The following ZNF385D variants were observed in gnomAD, a reference collection of about 807,000 sequenced individuals.
ZNF385D encodes the protein zinc finger protein 385D, also known as zinc finger protein 659.
A neutral mutation model predicts 35.8 loss-of-function variants in ZNF385D; 15 were observed. The ratio of observed to expected loss-of-function variants is 0.42; its 90% CI spans 0.28 to 0.64. The LOEUF is 0.64. ZNF385D is among the 30% of genes least tolerant of loss of function. ZNF385D has a pLI of 0.23. For missense variants in ZNF385D, 474 were observed against 494.6 expected (o/e 0.96, Z 0.39); for synonymous variants, 212 against 186.8 (o/e 1.13, Z -1.10).
chr3:22,038,864 G>C (rs997681802), intron 3 of ZNF385D, among the ~76,000 whole-genome samples: 1 of 150,008 alleles, frequency 6.7e-6, no homozygotes, highest in Non-Finnish European at 1.5e-5. Flanking sequence ...TCATAACAAA[G>C]ATATAATAAG....
chr3:21,919,702 C>T (rs1175559168), intron 3 of ZNF385D, among the ~76,000 whole-genome samples: 3 of 152,190 alleles, frequency 2.0e-5, no homozygotes, highest in Non-Finnish European at 2.9e-5. Context: ...TTTGTCTTTT[C>T]ACAGTTGCTC....
intron 2 of ZNF385D, among the ~76,000 whole-genome samples, chr3:22,334,505 T>C (rs1416679596): frequency 1.3e-5 from 2 of 152,202 alleles, no homozygotes; most frequent in African/African-American, 4.8e-5. Flanking sequence ...ATCTCTGAGC[T>C]TCTTTCTAGT....
At chr3:21,525,362 A>G (rs1035486491) in intron 3 of ZNF385D, among the ~76,000 whole-genome samples, 1 of 152,068 alleles carries the variant, frequency 6.6e-6, no homozygotes, top group Admixed American at 6.5e-5. Context: ...GTTAGCACTG[A>G]GGAAGAAAAA....
intron 3 of ZNF385D, among the ~76,000 whole-genome samples, chr3:22,018,002 T>C (rs896493394): frequency 4.6e-5 from 7 of 152,040 alleles, no homozygotes; most frequent in Middle Eastern, 3.5e-3. Context: ...TCACTTAATA[T>C]TGAATGATAT....
chr3:21,804,978 G>A (rs1280345228), intron 3 of ZNF385D, among the ~76,000 whole-genome samples: 2 of 152,176 alleles, frequency 1.3e-5, no homozygotes, highest in Non-Finnish European at 2.9e-5. Flanking sequence ...CTGGGCAGAA[G>A]CAAGATTGAT....
chr3:21,450,043 C>T (rs1359807397), intron 4 of ZNF385D, among the ~76,000 whole-genome samples: 1 of 152,224 alleles, frequency 6.6e-6, no homozygotes, highest in Non-Finnish European at 1.5e-5. Flanking sequence ...TATCTGAGGA[C>T]TTGGCCTGAG....
chr3:21,983,104 T>C (rs1392881646), intron 3 of ZNF385D, among the ~76,000 whole-genome samples: 5 of 149,388 alleles, frequency 3.3e-5, no homozygotes, highest in South Asian at 2.2e-4. Flanking sequence ...GTTGGCCTCA[T>C]AGAATGAATT....
intron 3 of ZNF385D, among the ~76,000 whole-genome samples, chr3:21,983,392 C>T (rs1400037165): frequency 3.6e-5 from 4 of 110,286 alleles, no homozygotes; most frequent in African/African-American, 1.3e-4. Context: ...TCAATTCCCA[C>T]CTATGAGTGA....
At chr3:21,698,834 G>A (rs909153579) in intron 1 of ZNF385D, among the ~76,000 whole-genome samples, 2 of 152,010 alleles carry the variant, frequency 1.3e-5, no homozygotes, top group Non-Finnish European at 2.9e-5. Flanking sequence ...TAAAAAGTCA[G>A]GAAACAACAG....
chr3:21,450,224 A>G (rs1198774817), intron 4 of ZNF385D, among the ~76,000 whole-genome samples: 1 of 152,166 alleles, frequency 6.6e-6, no homozygotes, highest in African/African-American at 2.4e-5. Context: ...CTGTGGATCT[A>G]GAGGCTTTGT....
intron 3 of ZNF385D, among the ~76,000 whole-genome samples, chr3:21,964,700 C>G (rs2127524): frequency 0.43 from 65,521 of 151,362 alleles, 14,567 homozygotes; most frequent in Middle Eastern, 0.47. Flanking sequence ...CCATGTTGGC[C>G]AGGCTGGTCT....
chr3:21,689,329 G>T (rs1159655743), intron 1 of ZNF385D, among the ~76,000 whole-genome samples: 2 of 152,080 alleles, frequency 1.3e-5, no homozygotes, highest in African/African-American at 2.4e-5. Flanking sequence ...AGAGGTGTGT[G>T]CTCTGTTGCG....
chr3:21,701,293 G>T (rs1174189593), intron 1 of ZNF385D, among the ~76,000 whole-genome samples: 1 of 12,544 alleles, frequency 8.0e-5, no homozygotes, highest in Admixed American at 1.0e-3. Flanking sequence ...CATGTTGGTG[G>T]CAAGAGAAAA....
At chr3:21,835,861 T>C (rs1231912284) in intron 3 of ZNF385D, among the ~76,000 whole-genome samples, 2 of 151,912 alleles carry the variant, frequency 1.3e-5, no homozygotes, top group Non-Finnish European at 2.9e-5. Flanking sequence ...TGAGATTATA[T>C]TCCATAATCC....
chr3:21,547,562 T>G (rs1403637536), intron 3 of ZNF385D, among the ~76,000 whole-genome samples: 1 of 151,982 alleles, frequency 6.6e-6, no homozygotes, highest in Admixed American at 6.6e-5. Flanking sequence ...AGAAAGCAGT[T>G]AAGATCAGTC....
intron 2 of ZNF385D, among the ~76,000 whole-genome samples, chr3:22,235,596 T>C (rs1699134790): frequency 6.6e-6 from 1 of 152,026 alleles, no homozygotes. Flanking sequence ...AATATGACAG[T>C]CAAGTAAAAA....
chr3:21,750,988 G>A lies in ZNF385D; in HGVS notation c.-72C>T. Reference sequence around the variant, plus strand: ...TCACCCAAGGCTGGCACGTAGAGCAGAGCCCTTTCATGCTACATTCGGTGG... The same window carrying A: ...TCACCCAAGGCTGGCACGTAGAGCAAAGCCCTTTCATGCTACATTCGGTGG... On this transcript the variant is annotated 5_prime_UTR_variant, in exon 1 of 8. Transcript: ENST00000281523. 2 of 1,612,878 alleles carry A rather than the reference G, an allele frequency of 1.2e-6. No homozygotes were observed. Among genetic ancestry groups the A allele is most frequent in the Non-Finnish European group, 1.7e-6 (2 of 1,179,616 alleles).
rs151058040 is a variant in ZNF385D at position 22,162,347 on chromosome 3, T to C, written c.325+6470A>G. Among the ~76,000 whole-genome samples the C allele has an allele frequency of 4.0e-3, 615 of 152,284 alleles. 4 individuals are homozygous for C. Among genetic ancestry groups the C allele is most frequent in the African/African-American group, 0.014 (573 of 41,570 alleles). On this transcript the variant is annotated intron_variant, in intron 3 of 5. Coordinates refer to the ZNF385D transcript ENST00000494108. ...TTTTGTGGGAGGGTTTACATCTGTA[T>C]AGAAAATCTACATTAGTAAAGTAAA... is the stretch of plus-strand genomic sequence containing the variant.
intron 3 of ZNF385D, among the ~76,000 whole-genome samples, chr3:22,044,242 T>G (rs1242758514): frequency 6.6e-6 from 1 of 152,102 alleles, no homozygotes. Context: ...GTTTGTTTAC[T>G]CAAAGGTGAT....
Sources: allele counts gnomAD v4.1 joint callset (sites outside exome capture counted in the v4.1 genomes callset), GRCh38; gene constraint gnomAD v4.1.1; transcripts MANE v1.5; gene names NCBI Gene and HGNC (gene_info 2026-07-23, HGNC 2026-07-21).